The following STXBP5L variants were observed in gnomAD, a reference collection of about 807,000 sequenced individuals.
STXBP5L encodes syntaxin-binding protein 5-like.
Under a neutral mutation model 144.5 loss-of-function variants are expected in STXBP5L, and 65 were observed. That is an observed-to-expected ratio of 0.45 (90% CI 0.37 to 0.55). The LOEUF is 0.55. Among genes scored for constraint, STXBP5L ranks in the 20% least tolerant of loss-of-function variants. The pLI, the probability that STXBP5L is intolerant of heterozygous loss-of-function variation, is 0.00. For missense variants in STXBP5L, 1,298 were observed against 1,405.5 expected, an observed-to-expected ratio of 0.92 and a Z score of 1.22; for synonymous variants, 505 against 469.6, an observed-to-expected ratio of 1.08 and a Z score of -0.97.
chr3:121,086,670 G>A (rs574537941), intron 5 of STXBP5L, among the ~76,000 whole-genome samples: 1 of 152,140 alleles, frequency 6.6e-6, no homozygotes, highest in South Asian at 2.1e-4. Context: ...TACCAGGTGA[G>A]CATCCCAAAC....
intron 20 of STXBP5L, among the ~76,000 whole-genome samples, chr3:121,359,974 A>AATAT (rs2045655139): frequency 1.9e-5 from 1 of 52,286 alleles, no homozygotes; most frequent in Non-Finnish European, 4.6e-5. Context: ...ATACATATAT[A>AATAT]ATATAATATA....
At chr3:121,102,820 T>C (rs2107786745) in intron 5 of STXBP5L, among the ~76,000 whole-genome samples, 1 of 152,116 alleles carries the variant, frequency 6.6e-6, no homozygotes. Flanking sequence ...AGGTCAAATA[T>C]CCAGGATCTA....
intron 5 of STXBP5L, among the ~76,000 whole-genome samples, chr3:121,090,163 A>G (rs1283416672): frequency 2.6e-5 from 4 of 152,086 alleles, no homozygotes; most frequent in African/African-American, 7.2e-5. Context: ...CATTGTTATG[A>G]GGTTTCAGTT....
chr3:120,988,049 G>T (rs1942473164), intron 3 of STXBP5L, among the ~76,000 whole-genome samples: 1 of 150,502 alleles, frequency 6.6e-6, no homozygotes, highest in Non-Finnish European at 1.5e-5. Flanking sequence ...AGTCTTACCT[G>T]ATGGTTTTTC....
intron 3 of STXBP5L, among the ~76,000 whole-genome samples, chr3:120,985,528 C>T (rs536613896): frequency 4.6e-5 from 7 of 152,050 alleles, no homozygotes; most frequent in African/African-American, 1.7e-4. Context: ...AACTAATTCT[C>T]CTAAATGAAA....
chr3:121,141,241 T>C (rs1371916044), intron 7 of STXBP5L, among the ~76,000 whole-genome samples: 1 of 151,972 alleles, frequency 6.6e-6, no homozygotes, highest in Admixed American at 6.6e-5. Context: ...CTGTGTCTAC[T>C]AAAAATACAA....
intron 20 of STXBP5L, among the ~76,000 whole-genome samples, chr3:121,371,498 A>C (rs2046026683): frequency 6.6e-6 from 1 of 152,246 alleles, no homozygotes; most frequent in African/African-American, 2.4e-5. Context: ...TTATTTGCAC[A>C]TGCTAGCAGC....
At position 121,071,990 on chromosome 3, in the gene STXBP5L, G is replaced by C. The variant is rs544527350; in HGVS notation, c.470+26455G>C. Among the ~76,000 whole-genome samples, 3 of 152,274 alleles carry C rather than the reference G, an allele frequency of 2.0e-5. No individual in the cohort carries two copies. The South Asian group carries it at 6.2e-4, about 32-fold the overall frequency. ...AACTTTAACAGCTGTTTGAGTGTCT[G>C]GTTCATTCTTTTAACTTTTCCAGAA... On this transcript the variant is annotated intron_variant, in intron 5 of 26. Transcript: ENST00000471454.
At chr3:121,410,853 G>T (rs1180967742) in intron 23 of STXBP5L, among the ~76,000 whole-genome samples, 1 of 152,026 alleles carries the variant, frequency 6.6e-6, no homozygotes. Flanking sequence ...GTTAGCAACT[G>T]ACTTGCTCTT....
In STXBP5L at chr3:121,423,609, C is replaced by A. The variant is rs776790375; in HGVS notation, c.*4512C>A. 1 of 152,116 alleles carries A rather than the reference C, an allele frequency of 6.6e-6. No homozygotes were observed. The highest frequency in any genetic ancestry group is 1.5e-5 in the Non-Finnish European group (1 of 68,028). The allele number at this position is 152,116 out of a possible 1,614,324, so 9.4% of individuals were successfully genotyped here. On this transcript the variant is annotated 3_prime_UTR_variant, in exon 27 of 27. Coordinates refer to ENST00000471454, the MANE Select transcript of STXBP5L (RefSeq NM_001308330.2). ...CAACCTTGACTGTACATAAGAATCA[C>A]CTCAGGAAATTTTTAAATTCCCAAT...
intron 25 of STXBP5L, among the ~76,000 whole-genome samples, chr3:121,418,005 C>A (rs1033504119): frequency 6.6e-6 from 1 of 152,004 alleles, no homozygotes; most frequent in Admixed American, 6.6e-5. Flanking sequence ...AATGATCAGG[C>A]CTAAGCTTGG....
intron 19 of STXBP5L, among the ~76,000 whole-genome samples, chr3:121,285,887 T>C (rs944254580): frequency 6.6e-6 from 1 of 152,104 alleles, no homozygotes; most frequent in Admixed American, 6.6e-5. Flanking sequence ...TTAGTTATTA[T>C]AATTATTATA....
intron 7 of STXBP5L, among the ~76,000 whole-genome samples, chr3:121,147,141 A>G (rs950276581): frequency 6.6e-6 from 1 of 152,108 alleles, no homozygotes; most frequent in African/African-American, 2.4e-5. Context: ...TTATGTATAT[A>G]GTACTAGCAG....
chr3:120,948,500 C>T (rs903761828), intron 2 of STXBP5L, among the ~76,000 whole-genome samples: 1 of 151,872 alleles, frequency 6.6e-6, no homozygotes, highest in Non-Finnish European at 1.5e-5. Flanking sequence ...TTTTGGCACC[C>T]ATCACCTGAG....
chr3:121,312,209 C>T (rs963127785), intron 19 of STXBP5L, among the ~76,000 whole-genome samples: 8 of 152,048 alleles, frequency 5.3e-5, no homozygotes, highest in Non-Finnish European at 1.0e-4. Flanking sequence ...GGATTAAAGA[C>T]TTAAACATTA....
At position 121,081,423 on chromosome 3, in the gene STXBP5L, G is replaced by T. The variant is rs114982137; in HGVS notation, c.471-33502G>T. ...ACTTTAATGTTTGTAGTTTATTTTA[G>T]CTGAATTTGGTTCTTGGTGCTTTTA... On this transcript the variant is annotated intron_variant, in intron 5 of 26. Transcript: ENST00000471454. Among the ~76,000 whole-genome samples, 635 of 151,994 alleles carry T rather than the reference G, an allele frequency of 4.2e-3. 1 individual carries two copies. The highest frequency in any genetic ancestry group is 0.014 in the African/African-American group (587 of 41,438).
chr3:121,092,784 C>G (rs2042884506), intron 5 of STXBP5L, among the ~76,000 whole-genome samples: 1 of 152,044 alleles, frequency 6.6e-6, no homozygotes, highest in Admixed American at 6.6e-5. Context: ...GTCTAATTGC[C>G]CTGGCCAGAA....
intron 5 of STXBP5L, among the ~76,000 whole-genome samples, chr3:121,091,460 T>A (rs2042789239): frequency 6.6e-6 from 1 of 152,132 alleles, no homozygotes; most frequent in Non-Finnish European, 1.5e-5. Context: ...GACTTTTTAA[T>A]GATTGCCATT....
chr3:121,322,214 C>T (rs563870432), intron 20 of STXBP5L, among the ~76,000 whole-genome samples: 54 of 152,296 alleles, frequency 3.5e-4, no homozygotes, highest in Admixed American at 2.9e-3. Context: ...CGCCGTGGCT[C>T]ACGCCTGTAA....
Sources: gnomAD v4.1 joint callset for allele counts (sites outside exome capture counted in the v4.1 genomes callset) on GRCh38, gnomAD v4.1.1 for gene constraint, MANE v1.5 for transcripts, NCBI Gene and HGNC (gene_info 2026-07-23, HGNC 2026-07-21) for gene names.